Variants in ARHGAP10 observed in about 807,000 individuals in gnomAD.
The protein encoded by ARHGAP10 is Rho GTPase activating protein 10.
Under a neutral mutation model 108.6 loss-of-function variants are expected in ARHGAP10, and 87 were observed. The observed-to-expected ratio is 0.80, with a 90% CI of 0.67 to 0.96. ARHGAP10 has a LOEUF of 0.96. Ranked by LOEUF, ARHGAP10 falls within the 40% of genes least tolerant of loss-of-function variation. ARHGAP10 has a pLI of 0.00. For missense variants in ARHGAP10, 939 were observed against 954.5 expected, an observed-to-expected ratio of 0.98 and a Z score of 0.21; for synonymous variants, 347 against 341.1, an observed-to-expected ratio of 1.02 and a Z score of -0.19.
intron 18 of ARHGAP10, among the ~76,000 whole-genome samples, chr4:148,011,043 A>G (rs903535271): frequency 6.6e-6 from 1 of 152,210 alleles, no homozygotes; most frequent in Non-Finnish European, 1.5e-5. Flanking sequence ...TAAAATAATC[A>G]TTACTTTGAC....
chr4:147,899,960 C>T (rs1324182291), intron 10 of ARHGAP10, among the ~76,000 whole-genome samples: 2 of 149,484 alleles, frequency 1.3e-5, no homozygotes, highest in Admixed American at 6.7e-5. Context: ...GTTTTGATAT[C>T]TGCTTCTTTG....
At chr4:147,815,479 C>T (rs541272071) in intron 1 of ARHGAP10, among the ~76,000 whole-genome samples, 24 of 150,016 alleles carry the variant, frequency 1.6e-4, no homozygotes, top group African/African-American at 3.2e-4. Flanking sequence ...AGGCGGGGGG[C>T]GGGGGGAGGA....
chr4:147,783,303 T>C (rs560569973), intron 1 of ARHGAP10, among the ~76,000 whole-genome samples: 586 of 144,466 alleles, frequency 4.1e-3, no homozygotes, highest in Non-Finnish European at 6.5e-3. Context: ...TTGTATAATT[T>C]ATATAACACA....
Position 147,970,886 on chromosome 4 carries a change from G to A in ARHGAP10, c.1716+4047G>A, listed in dbSNP as rs371485074. On this transcript the variant is annotated intron_variant, in intron 18 of 22. Transcript: ENST00000336498. ...GCAGATCACCTGAGGTCAGGAGTTC[G>A]AGACCAGCCTGGCCAACATGGCAAA... Among the ~76,000 whole-genome samples, 413 of 152,162 alleles carry A rather than the reference G, an allele frequency of 2.7e-3. 2 individuals are homozygous for A. The highest frequency in any genetic ancestry group is 9.6e-3 in the African/African-American group (400 of 41,514).
intron 1 of ARHGAP10, among the ~76,000 whole-genome samples, chr4:147,791,112 CTTTT>C (rs368304720): frequency 7.4e-6 from 1 of 134,242 alleles, no homozygotes. Context: ...ATATTCTTTA[CTTTT>C]TTTTTTTTTT....
intron 15 of ARHGAP10, among the ~76,000 whole-genome samples, chr4:147,950,962 C>A (rs1257300484): frequency 1.3e-5 from 2 of 152,000 alleles, no homozygotes; most frequent in East Asian, 1.9e-4. Context: ...TGATTTATAT[C>A]CCCCAACAGA....
At position 147,870,928 on chromosome 4, in the gene ARHGAP10, CTGTGTGTGTG is replaced by C. The variant is rs57348496; in HGVS notation, c.703-4055_703-4046del. Among the ~76,000 whole-genome samples the C allele has an allele frequency of 1.8e-3, 255 of 139,144 alleles. No homozygotes were observed. In the East Asian group the frequency reaches 0.02, roughly 11 times the overall value. 91.3% of individuals were successfully genotyped at this position (139,144 alleles called of 152,430 possible). A position where few individuals can be genotyped will look rare whatever the true frequency, so the allele number is the denominator to read the frequency against. Reference sequence around the variant, plus strand: ...GAAAGTAGAATACCAAAACTACAGACTGTGTGTGTGTGTGTGTGTGTGTGTGTGTGTGTGT... The same window carrying C: ...GAAAGTAGAATACCAAAACTACAGACTGTGTGTGTGTGTGTGTGTGTGTGT... On this transcript the variant is annotated intron_variant, in intron 7 of 22. Transcript: ENST00000336498.
In ARHGAP10 at chr4:147,732,317, CT is replaced by C. The variant is rs780678901; in HGVS notation, c.17del (p.Leu6ArgfsTer71). Reference protein sequence around the residue: MGLQPLEFSDCYLDSP... With the variant: MGLQPXEFSDCYLDSP... ...CGCTGCCGTCATGGGGCTGCAGCCC[CT>C]GGAGTTCAGCGACTGCTACCTCGAC... On this transcript the variant is annotated frameshift_variant, in exon 1 of 23. Coordinates refer to ENST00000336498, the MANE Select transcript of ARHGAP10 (RefSeq NM_024605.4). LOFTEE classifies it high-confidence loss of function. The C allele has an allele frequency of 2.5e-6, 4 of 1,612,470 alleles. No individual in the cohort carries two copies. The highest frequency in any genetic ancestry group is 3.4e-6 in the Non-Finnish European group (4 of 1,179,274).
intron 3 of ARHGAP10, among the ~76,000 whole-genome samples, chr4:147,846,248 A>C (rs1733623813): frequency 6.6e-6 from 1 of 152,200 alleles, no homozygotes; most frequent in Non-Finnish European, 1.5e-5. Flanking sequence ...CTTTGGTTAC[A>C]TTAAGAATCT....
At chr4:147,864,992 G>A in intron 6 of ARHGAP10, 36 bp downstream of exon 6, 1 of 1,540,820 alleles carries the variant, frequency 6.5e-7, no homozygotes, top group Non-Finnish European at 9.0e-7. Flanking sequence ...GTGGATTTTT[G>A]CAATGTAAGA....
chr4:147,952,374 A>G (rs184584490), intron 15 of ARHGAP10, among the ~76,000 whole-genome samples: 45 of 152,314 alleles, frequency 3.0e-4, no homozygotes, highest in Middle Eastern at 6.8e-3. Context: ...CATCCTCACC[A>G]ACAATATACA....
At chr4:147,938,828 A>G (rs1051556806) in intron 13 of ARHGAP10, among the ~76,000 whole-genome samples, 18 of 152,228 alleles carry the variant, frequency 1.2e-4, no homozygotes, top group African/African-American at 4.3e-4. Context: ...ACACACAGCC[A>G]GAAAGCTGCA....
At chr4:147,957,250 A>G (rs1738819974) in intron 16 of ARHGAP10, among the ~76,000 whole-genome samples, 1 of 152,190 alleles carries the variant, frequency 6.6e-6, no homozygotes, top group South Asian at 2.1e-4. Context: ...GAAAAAGTAC[A>G]TGTACTAAAT....
At chr4:147,837,989 G>C (rs969693441) in intron 3 of ARHGAP10, among the ~76,000 whole-genome samples, 1 of 152,084 alleles carries the variant, frequency 6.6e-6, no homozygotes, top group Non-Finnish European at 1.5e-5. Flanking sequence ...TAGATAATCA[G>C]ATGTCTCCCT....
intron 3 of ARHGAP10, among the ~76,000 whole-genome samples, chr4:147,841,756 A>G (rs1733423681): frequency 6.6e-6 from 1 of 152,194 alleles, no homozygotes. Flanking sequence ...AGAAGTTATA[A>G]AATCAGGCTT....
chr4:147,764,558 G>A (rs1415223195), intron 1 of ARHGAP10, among the ~76,000 whole-genome samples: 1 of 151,608 alleles, frequency 6.6e-6, no homozygotes, highest in Non-Finnish European at 1.5e-5. Context: ...TTTTGAGATA[G>A]AGTCTCACTC....
chr4:147,784,124 CATT>C (rs1363236201), intron 1 of ARHGAP10, among the ~76,000 whole-genome samples: 3 of 103,724 alleles, frequency 2.9e-5, no homozygotes, highest in East Asian at 3.0e-4. Flanking sequence ...ATTTACATAA[CATT>C]AAATTGTGTA....
intron 1 of ARHGAP10, among the ~76,000 whole-genome samples, chr4:147,818,942 C>A (rs866055564): frequency 2.6e-5 from 4 of 152,160 alleles, no homozygotes; most frequent in Middle Eastern, 3.4e-3. Flanking sequence ...AAGAGGAGAT[C>A]ACCAGAAAGG....
At chr4:147,754,975 G>A (rs2126697213) in intron 1 of ARHGAP10, among the ~76,000 whole-genome samples, 1 of 152,046 alleles carries the variant, frequency 6.6e-6, no homozygotes, top group East Asian at 1.9e-4. Context: ...CCAGCTACTT[G>A]AGAGGCTGAG....
Sources: gnomAD v4.1 joint callset for allele counts (sites outside exome capture counted in the v4.1 genomes callset) on GRCh38, gnomAD v4.1.1 for gene constraint, MANE v1.5 for transcripts, NCBI Gene and HGNC (gene_info 2026-07-23, HGNC 2026-07-21) for gene names.